The following ZNF331 variants were observed in gnomAD, a reference collection of about 807,000 sequenced individuals.
ZNF331 encodes zinc finger protein 331.
ZNF331 carries 2 observed loss-of-function variants against 7.0 expected under a neutral mutation model. The ratio of observed to expected loss-of-function variants is 0.29; its 90% CI spans 0.12 to 0.90. ZNF331 has a LOEUF of 0.90. Among genes scored for constraint, ZNF331 ranks in the 40% least tolerant of loss-of-function variants. The pLI is 0.58. For missense variants in ZNF331, 432 were observed against 587.7 expected (o/e 0.74, Z 2.74); for synonymous variants, 196 against 205.4 (o/e 0.95, Z 0.39).
chr19:53,540,376 G>C (rs944681151), intron 2 of ZNF331, among the ~76,000 whole-genome samples: 1 of 152,138 alleles, frequency 6.6e-6, no homozygotes, highest in African/African-American at 2.4e-5. Context: ...TGTGTGCTTG[G>C]AGGCTCTTTG....
chr19:53,564,031 CAAAAAAAAAAAAAA>C (rs57538972), intron 3 of ZNF331, among the ~76,000 whole-genome samples: 1 of 75,602 alleles, frequency 1.3e-5, no homozygotes, highest in Non-Finnish European at 2.3e-5. Flanking sequence ...GACTTCATCT[CAAAAAAAAAAAAAA>C]AAAAAAAAAA....
upstream of ZNF331, chr19:53,537,436 T>A (rs1244914910): frequency 6.6e-6 from 1 of 152,290 alleles, no homozygotes; most frequent in Non-Finnish European, 1.5e-5. Context: ...AGGACAGCCA[T>A]GGCTCGCCCG....
At chr19:53,540,815 C>T (rs11665694) in intron 2 of ZNF331, among the ~76,000 whole-genome samples, 27,222 of 151,994 alleles carry the variant, frequency 0.18, 3,031 homozygotes, top group Non-Finnish European at 0.24. Flanking sequence ...CCCCTTCTTC[C>T]ATCATCAAAG....
At chr19:53,508,661 A>T in the ZNF331 span, among the ~76,000 whole-genome samples, 1 of 152,024 alleles carries the variant, frequency 6.6e-6, no homozygotes, top group Admixed American at 6.6e-5. Flanking sequence ...AAAATATGAG[A>T]TTTCTCTCTC....
rs116538913 is a variant in ZNF331, at chr19:53,573,628, C to T, written c.136+1898C>T. ...GACCACAGGTGCACACCACGACACC[C>T]GGCTAATTGTTGTGTTTTTTCTTAG... is the stretch of plus-strand genomic sequence containing the variant. On this transcript the variant is annotated intron_variant, in intron 5 of 5. Transcript: ENST00000449416. This position sits in a 1 kb window ranked among gnomAD's most constrained non-coding sequence, Gnocchi z 4.2. Among the ~76,000 whole-genome samples the T allele has an allele frequency of 0.018, 2,745 of 151,972 alleles. 75 individuals carry two copies. The highest frequency in any genetic ancestry group is 0.061 in the African/African-American group (2,536 of 41,450).
upstream of ZNF331, among the ~76,000 whole-genome samples, chr19:53,535,038 A>AG (rs2087692063): frequency 6.8e-6 from 1 of 147,568 alleles, no homozygotes; most frequent in African/African-American, 2.5e-5. Context: ...AAAAAAAAAA[A>AG]ATTATTCCCC....
At chr19:53,506,450 C>G in the ZNF331 span, among the ~76,000 whole-genome samples, 74 of 47,604 alleles carry the variant, frequency 1.6e-3, 1 homozygote, top group East Asian at 0.024. Flanking sequence ...CTCTGTCTCT[C>G]TCTCTCTCTC....
At position 53,559,903 on chromosome 19, in the gene ZNF331, T is replaced by C. The variant is rs969947749; in HGVS notation, c.-74+3995T>C. ...TACACACACATGCCATACACACACA[T>C]ATGTACACATACATACCCACACCAT... On this transcript the variant is annotated intron_variant, in intron 3 of 5. Coordinates refer to ENST00000449416, the MANE Select transcript of ZNF331 (RefSeq NM_001079906.2). 4.7e-5 allele frequency among the ~76,000 whole-genome samples: 7 copies of C among 149,648 alleles called. No homozygotes were observed. In the South Asian group the frequency reaches 6.4e-4, roughly 14 times the overall value.
At chr19:53,518,111 T>G (rs756137720), upstream of ZNF331, among the ~76,000 whole-genome samples, 3 of 152,216 alleles carry the variant, frequency 2.0e-5, no homozygotes, top group Non-Finnish European at 2.9e-5. Flanking sequence ...GTGGACACCA[T>G]GCAATTGGCT....
intron 2 of ZNF331, among the ~76,000 whole-genome samples, chr19:53,545,537 G>C (rs1377600511): frequency 6.6e-6 from 1 of 152,264 alleles, no homozygotes; most frequent in Middle Eastern, 3.4e-3. Context: ...GCCAGACGGG[G>C]TCCCAGCTGG....
rs1424818264 is a variant in ZNF331, at chr19:53,578,184, G to A, written c.*232G>A. Reference sequence around the variant, plus strand: ...GGTCCAGCACATCCACGCTGTATACGCCACCCACCCTGCTAGTGACTTAGT... The same window carrying A: ...GGTCCAGCACATCCACGCTGTATACACCACCCACCCTGCTAGTGACTTAGT... On this transcript the variant is annotated 3_prime_UTR_variant, in exon 6 of 6. Coordinates refer to ENST00000449416, the MANE Select transcript of ZNF331 (RefSeq NM_001079906.2). 9.9e-6 allele frequency: 5 copies of A among 505,524 alleles called. No individual in the cohort carries two copies. Among genetic ancestry groups the A allele is most frequent in the South Asian group, 2.5e-5 (1 of 40,562 alleles). The allele number at this position is 505,524 out of a possible 1,614,324, so 31.3% of individuals were successfully genotyped here. A position where few individuals can be genotyped will look rare whatever the true frequency, so the allele number is the denominator to read the frequency against.
intron 2 of ZNF331, among the ~76,000 whole-genome samples, chr19:53,540,323 G>A (rs2088055988): frequency 6.6e-6 from 1 of 152,188 alleles, no homozygotes; most frequent in Admixed American, 6.5e-5. Context: ...TTTCCAGGTT[G>A]GAGACTGTCA....
At chr19:53,507,262 C>T in the ZNF331 span, among the ~76,000 whole-genome samples, 4 of 152,262 alleles carry the variant, frequency 2.6e-5, no homozygotes, top group South Asian at 2.1e-4. Context: ...ATAATAGTCA[C>T]GCTGATTTTG....
chr19:53,534,713 G>A (rs2087674011), upstream of ZNF331, among the ~76,000 whole-genome samples: 1 of 152,042 alleles, frequency 6.6e-6, no homozygotes, highest in Non-Finnish European at 1.5e-5. Flanking sequence ...AAGGAACTTT[G>A]TAATTGCACC....
chr19:53,546,140 G>GA (rs527391326), intron 2 of ZNF331, among the ~76,000 whole-genome samples: 1,904 of 113,476 alleles, frequency 0.017, 64 homozygotes, highest in Middle Eastern at 0.034. Context: ...TCCTGAGGGG[G>GA]AAAAAAAAAA....
At chr19:53,526,744 G>A (rs897033534) in intron 2 of ZNF331, among the ~76,000 whole-genome samples, 10 of 151,470 alleles carry the variant, frequency 6.6e-5, no homozygotes, top group African/African-American at 9.7e-5. Context: ...AGTAGAGACG[G>A]GGTTTCACCA....
intron 3 of ZNF331, among the ~76,000 whole-genome samples, chr19:53,568,261 G>A (rs1392513448): frequency 6.7e-6 from 1 of 149,930 alleles, no homozygotes; most frequent in Non-Finnish European, 1.5e-5. Context: ...AAAAAAAAAA[G>A]TACGTAAGTT....
intron 2 of ZNF331, among the ~76,000 whole-genome samples, chr19:53,527,704 A>C (rs7256175): frequency 0.042 from 6,367 of 152,290 alleles, 470 homozygotes; most frequent in African/African-American, 0.14. Context: ...TGTGAAAGAA[A>C]TCCAACCCAG....
Position 53,559,750 on chromosome 19 carries a change from G to A in ZNF331, c.-74+3842G>A, listed in dbSNP as rs547062051. ...ACATATATACACATATACACCATACGCACATGCACACACATACCCATATAT... is the reference window on the plus strand; with the variant it reads ...ACATATATACACATATACACCATACACACATGCACACACATACCCATATAT... On this transcript the variant is annotated intron_variant, in intron 3 of 5. Transcript: ENST00000449416. Among the ~76,000 whole-genome samples the A allele has an allele frequency of 5.5e-5, 6 of 108,962 alleles. No individual in the cohort carries two copies. The East Asian group carries it at 8.1e-4, about 15-fold the overall frequency. The allele number at this position is 108,962 out of a possible 152,430, so 71.5% of individuals were successfully genotyped here.
Sources: allele counts gnomAD v4.1 joint callset (sites outside exome capture counted in the v4.1 genomes callset), GRCh38; gene constraint gnomAD v4.1.1; non-coding constraint Gnocchi (gnomAD v3.1); transcripts MANE v1.5; gene names NCBI Gene and HGNC (gene_info 2026-07-23, HGNC 2026-07-21).